The following FUCA1 variants were observed in gnomAD, a reference collection of about 807,000 sequenced individuals.
FUCA1 encodes alpha-L-fucosidase 1, also known as tissue alpha-L-fucosidase.
FUCA1 carries 52 observed loss-of-function variants against 56.8 expected under a neutral mutation model. That is an observed-to-expected ratio of 0.92 (90% confidence interval 0.73 to 1.15). FUCA1 has a LOEUF of 1.15. Among genes scored for constraint, FUCA1 ranks in the 50% most tolerant of loss-of-function variants. The probability of loss-of-function intolerance (pLI) is 0.00; values close to 1 mark genes in which losing one functional copy is unlikely to be tolerated. For missense variants in FUCA1, 568 were observed against 592.6 expected, an observed-to-expected ratio of 0.96 and a Z score of 0.43; for synonymous variants, 230 against 226.6, an observed-to-expected ratio of 1.02 and a Z score of -0.14.
chr1:23,864,706 CTTTTTTTTT>C (rs563678936), intron 2 of FUCA1, among the ~76,000 whole-genome samples: 3 of 138,542 alleles, frequency 2.2e-5, no homozygotes, highest in African/African-American at 5.3e-5. Flanking sequence ...TGTCTTTTTT[CTTTTTTTTT>C]TTTTTTTGAG....
chr1:23,845,719 T>G lies in FUCA1; in HGVS notation c.1397A>C (p.Lys466Thr). The G allele has an allele frequency of 6.2e-7, 1 of 1,614,196 alleles. No individual in the cohort carries two copies. Among genetic ancestry groups the G allele is most frequent in the Non-Finnish European group, 8.5e-7 (1 of 1,180,016 alleles). The change falls in exon 8 of 8, where the codon AAG becomes ACG. Residue 466 changes from lysine (K) to threonine (T), a missense_variant. Lys to Thr is a moderately conservative substitution (Grantham distance 78, BLOSUM62 -1). Coordinates refer to ENST00000374479, the MANE Select transcript of FUCA1 (RefSeq NM_000147.5). ...TTTCTTCTTGCACTCAAATGATTAC[T>G]TCACTCCTGTCAGCTTTATAGTCCA... is the stretch of plus-strand genomic sequence containing the variant. ...FAWTIKLTGVK is the reference protein window; with the variant it reads ...FAWTIKLTGVT
At chr1:23,845,915 G>T in intron 7 of FUCA1, 60 bp from the exon 8 acceptor site, 1 of 1,604,488 alleles carries the variant, frequency 6.2e-7, no homozygotes, top group South Asian at 1.1e-5. Flanking sequence ...ATAGAATACA[G>T]GCTGACTATG....
At chr1:23,860,811 A>G (rs12030587) in intron 3 of FUCA1, among the ~76,000 whole-genome samples, 144,707 of 151,366 alleles carry the variant, frequency 0.96, 69,502 homozygotes, top group East Asian at 1. Flanking sequence ...ACTAATTTTC[A>G]TATTTTCAGT....
Position 23,868,035 on chromosome 1 carries a change from C to G in FUCA1, c.252G>C (p.Glu84Asp). ...TGAAGCGCTGGTACTGCGGCCGCCC[C>G]TCGCCCTGCCAGTGCCACCAGAACC... ...SEWFWWHWQG[E>D]GRPQYQRFMR... Residue 84 changes from glutamate (E) to aspartate (D), a missense_variant, in exon 1 of 8, where the codon GAG becomes GAC. Physicochemically the swap from Glu to Asp is conservative, Grantham distance 45. Coordinates refer to ENST00000374479, the MANE Select transcript of FUCA1 (RefSeq NM_000147.5). The G allele has an allele frequency of 6.2e-7, 1 of 1,610,030 alleles. No homozygotes were observed. Among genetic ancestry groups the G allele is most frequent in the Non-Finnish European group, 8.5e-7 (1 of 1,179,044 alleles).
chr1:23,848,914 G>T (rs1487884213), intron 5 of FUCA1, 75 bp from the exon 6 acceptor site: 1 of 1,273,412 alleles, frequency 7.9e-7, no homozygotes, highest in Non-Finnish European at 1.1e-6. Flanking sequence ...AGACAGAGAA[G>T]AAAAAGAATC....
intron 3 of FUCA1, among the ~76,000 whole-genome samples, chr1:23,861,992 G>T (rs1639519788): frequency 6.6e-6 from 1 of 152,176 alleles, no homozygotes; most frequent in South Asian, 2.1e-4. Flanking sequence ...CCATTTCACA[G>T]ATAGAGAAAC....
At position 23,859,970 on chromosome 1, in the gene FUCA1, A is replaced by G. The variant is rs914837830; in HGVS notation, c.663-67T>C. The G allele has an allele frequency of 7.9e-6, 7 of 883,886 alleles. No homozygotes were observed. In the East Asian group the frequency reaches 8.9e-5, roughly 11 times the overall value. The allele number at this position is 883,886 out of a possible 1,614,324, so 54.8% of individuals were successfully genotyped here. A position where few individuals can be genotyped will look rare whatever the true frequency, so the allele number is the denominator to read the frequency against. Reference sequence around the variant, plus strand: ...TGTTCACAGTAAAATCTTATGGACCATTTTTTTTTTTAGAGATGGGGTTTC... The same window carrying G: ...TGTTCACAGTAAAATCTTATGGACCGTTTTTTTTTTTAGAGATGGGGTTTC... On this transcript the variant is annotated intron_variant, in intron 3 of 7. Transcript: ENST00000374479.
At position 23,868,261 on chromosome 1, in the gene FUCA1, C is replaced by G. The variant is rs567536324; in HGVS notation, c.26G>C (p.Arg9Pro). The change falls in exon 1 of 8, where the codon CGG becomes CCG. Residue 9 changes from arginine to proline, a missense_variant. Physicochemically the swap from Arg to Pro is moderately radical, Grantham distance 103. Coordinates refer to ENST00000374479, the MANE Select transcript of FUCA1 (RefSeq NM_000147.5). MRAPGMRS[R>P]PAGPALLLLL... ...CAGCAACAGCGCGGGACCCGCCGGC[C>G]GCGACCTCATCCCCGGAGCCCGCAT... 1.3e-6 allele frequency: 2 copies of G among 1,556,858 alleles called. No individual in the cohort carries two copies. Among genetic ancestry groups the G allele is most frequent in the African/African-American group, 1.4e-5 (1 of 73,616 alleles).
rs1033711975 is a variant in FUCA1 at position 23,851,200 on chromosome 1, C to A, written c.970-2361G>T. Among the ~76,000 whole-genome samples, 80 of 152,192 alleles carry A rather than the reference C, an allele frequency of 5.3e-4. 2 individuals carry two copies. The highest frequency in any genetic ancestry group is 1.8e-3 in the African/African-American group (75 of 41,524). On this transcript the variant is annotated intron_variant, in intron 5 of 7. Coordinates refer to ENST00000374479, the MANE Select transcript of FUCA1 (RefSeq NM_000147.5). ...CCAACATGAAGAAACCCTGTCTCTACTAAAAACACAAAAATAAGCTGGGCA... is the reference window on the plus strand; with the variant it reads ...CCAACATGAAGAAACCCTGTCTCTAATAAAAACACAAAAATAAGCTGGGCA...
At chr1:23,852,745 C>G (rs1461410607) in intron 5 of FUCA1, among the ~76,000 whole-genome samples, 1 of 152,194 alleles carries the variant, frequency 6.6e-6, no homozygotes. Flanking sequence ...CCAGAGGTGC[C>G]GGGATTGCAG....
rs983776086 is a variant in FUCA1 at position 23,867,093 on chromosome 1, C to T, written c.389+805G>A. On this transcript the variant is annotated intron_variant, in intron 1 of 7. Coordinates refer to ENST00000374479, the MANE Select transcript of FUCA1 (RefSeq NM_000147.5). This position sits in a 1 kb window ranked among gnomAD's most constrained non-coding sequence, Gnocchi z 4.9. ...AAACCTCCCCGCCTCCATTTTTACT[C>T]TTCTCCAACCCACTTCTCTCCCAGC... 6.6e-6 allele frequency among the ~76,000 whole-genome samples: 1 copy of T among 152,212 alleles called. No individual in the cohort carries two copies. Among genetic ancestry groups the T allele is most frequent in the African/African-American group, 2.4e-5 (1 of 41,442 alleles).
chr1:23,851,632 T>G (rs1639260995), intron 5 of FUCA1, among the ~76,000 whole-genome samples: 1 of 152,046 alleles, frequency 6.6e-6, no homozygotes, highest in Non-Finnish European at 1.5e-5. Flanking sequence ...GGGACATGGA[T>G]GAAGCTGGAC....
At chr1:23,856,946 C>T (rs1200697816) in intron 4 of FUCA1, among the ~76,000 whole-genome samples, 2 of 151,108 alleles carry the variant, frequency 1.3e-5, no homozygotes, top group Non-Finnish European at 2.9e-5. Context: ...GAGCCGAGAT[C>T]GTGCCATTGT....
chr1:23,866,656 C>T (rs539309502), intron 1 of FUCA1, among the ~76,000 whole-genome samples: 17 of 152,320 alleles, frequency 1.1e-4, no homozygotes, highest in Non-Finnish European at 2.1e-4. Flanking sequence ...ACCATTCTCA[C>T]CTCATGGGCC....
chr1:23,862,984 A>G, intron 3 of FUCA1, 150 bp downstream of exon 3: 1 of 814,512 alleles, frequency 1.2e-6, no homozygotes, highest in South Asian at 1.5e-5. Flanking sequence ...GAAAGAACAT[A>G]TTTTGTCTTA....
intron 5 of FUCA1, 70 bp downstream of exon 5, chr1:23,854,290 T>C: frequency 7.9e-7 from 1 of 1,269,390 alleles, no homozygotes; most frequent in Non-Finnish European, 1.1e-6. Context: ...TTTTGAACAT[T>C]ATATAAAATA....
rs1204848910 is a variant in FUCA1, at chr1:23,865,618, C to G, written c.397G>C (p.Val133Leu). ...LFQAAGAKYV[V>L]LTTKHHEGFT... The stretch of plus-strand genomic sequence containing the variant: ...CCTTCGTGATGCTTTGTCGTCAAAA[C>G]TACATACCTGTGGACAGCAAAACCA... Residue 133 changes from valine (V) to leucine (L), a missense_variant, in exon 2 of 8, where the codon GTT (valine) becomes CTT (leucine). Physicochemically the swap from Val to Leu is conservative, Grantham distance 32 (BLOSUM62 1). Transcript: ENST00000374479. 1.2e-5 allele frequency: 20 copies of G among 1,614,118 alleles called. No homozygotes were observed. The highest frequency in any genetic ancestry group is 1.7e-5 in the Non-Finnish European group (20 of 1,180,050).
intron 3 of FUCA1, among the ~76,000 whole-genome samples, chr1:23,862,738 G>A (rs1639533369): frequency 6.6e-6 from 1 of 152,194 alleles, no homozygotes; most frequent in Non-Finnish European, 1.5e-5. Context: ...CCACTTTACA[G>A]AGTGAGAATC....
At chr1:23,861,921 T>G (rs1639519214) in intron 3 of FUCA1, among the ~76,000 whole-genome samples, 1 of 152,218 alleles carries the variant, frequency 6.6e-6, no homozygotes, top group Admixed American at 6.5e-5. Context: ...TAAGAAATTG[T>G]ACTAGGCAAT....
Sources: gnomAD v4.1 joint callset for allele counts (sites outside exome capture counted in the v4.1 genomes callset) on GRCh38, gnomAD v4.1.1 for gene constraint, Gnocchi (gnomAD v3.1) non-coding constraint, MANE v1.5 for transcripts, NCBI Gene and HGNC (gene_info 2026-07-23, HGNC 2026-07-21) for gene names.